The following WDR19 variants were observed in gnomAD, a reference collection of about 807,000 sequenced individuals.
WDR19 encodes the protein WD repeat-containing protein 19.
WDR19 carries 121 observed loss-of-function variants against 180.0 expected under a neutral mutation model. That is an observed-to-expected ratio of 0.67 (90% CI 0.58 to 0.78). The LOEUF (loss-of-function observed/expected upper bound fraction) is 0.78. WDR19 is among the 30% of genes least tolerant of loss of function. The probability of loss-of-function intolerance (pLI) is 0.00; values close to 1 mark genes in which losing one functional copy is unlikely to be tolerated. For missense variants in WDR19, 1,450 were observed against 1,640.7 expected (o/e 0.88, Z 2.01); for synonymous variants, 497 against 540.7 (o/e 0.92, Z 1.12).
At chr4:39,267,106 T>C (rs1176111595) in intron 29 of WDR19, among the ~76,000 whole-genome samples, 1 of 151,982 alleles carries the variant, frequency 6.6e-6, no homozygotes, top group South Asian at 2.1e-4. Context: ...AAGAAAGAAA[T>C]CATTACAAGC....
chr4:39,229,886 G>A (rs1264403347), intron 17 of WDR19, among the ~76,000 whole-genome samples: 2 of 152,032 alleles, frequency 1.3e-5, no homozygotes, highest in African/African-American at 4.8e-5. Context: ...TTCCCTCACT[G>A]TAATCACACA....
At chr4:39,284,510 T>C (rs976556306) in intron 36 of WDR19, among the ~76,000 whole-genome samples, 3 of 108,126 alleles carry the variant, frequency 2.8e-5, no homozygotes, top group African/African-American at 5.2e-5. Context: ...AGCTTTTTTT[T>C]TTCTTTTTTT....
At chr4:39,274,592 A>G (rs1735710843) in intron 32 of WDR19, 4 of 554,546 alleles carry the variant, frequency 7.2e-6, no homozygotes, top group Non-Finnish European at 9.6e-6. Flanking sequence ...AAGGCAGAAC[A>G]TGGTGTCATC....
At chr4:39,218,973 C>T (rs1013320114) in intron 14 of WDR19, 1 of 152,184 alleles carries the variant, frequency 6.6e-6, no homozygotes, top group Admixed American at 6.5e-5. Flanking sequence ...TGTCTCCCAC[C>T]TCCGCATCTT....
rs1307173176 is a variant in WDR19, at chr4:39,278,128, C to T, written c.3841-3C>T. The T allele has an allele frequency of 1.3e-6, 2 of 1,598,818 alleles. No individual in the cohort carries two copies. The highest frequency in any genetic ancestry group is 1.7e-6 in the Non-Finnish European group (2 of 1,172,266). On this transcript the variant is annotated splice_polypyrimidine_tract_variant and splice_region_variant and intron_variant, in intron 34 of 36. Coordinates refer to ENST00000399820, the MANE Select transcript of WDR19 (RefSeq NM_025132.4). Reference sequence around the variant, plus strand: ...ATTTAACTCTTAAACATCCTGTTTCCAGGGTCGACACATGTTGAAAGATGA... The same window carrying T: ...ATTTAACTCTTAAACATCCTGTTTCTAGGGTCGACACATGTTGAAAGATGA...
chr4:39,202,847 CT>C (rs2109293414), intron 6 of WDR19, among the ~76,000 whole-genome samples: 1 of 151,972 alleles, frequency 6.6e-6, no homozygotes, highest in South Asian at 2.1e-4. Context: ...TGCATTGTTT[CT>C]TTACGAGTTT....
At chr4:39,213,885 C>T (rs982821749) in intron 9 of WDR19, among the ~76,000 whole-genome samples, 10 of 152,060 alleles carry the variant, frequency 6.6e-5, no homozygotes, top group African/African-American at 2.4e-4. Flanking sequence ...TCTATATTGC[C>T]TCTTACAACT....
At chr4:39,191,367 C>T (rs1219661522) in intron 4 of WDR19, among the ~76,000 whole-genome samples, 1 of 152,102 alleles carries the variant, frequency 6.6e-6, no homozygotes, top group Non-Finnish European at 1.5e-5. Flanking sequence ...TAAATAAATG[C>T]TTTTAAGCAA....
intron 34 of WDR19, 141 bp from the exon 35 acceptor site, chr4:39,277,990 G>A (rs1000565809): frequency 4.4e-6 from 3 of 674,760 alleles, no homozygotes; most frequent in Admixed American, 2.7e-5. Context: ...GGAGGTGGAG[G>A]TTGCAGACAG....
chr4:39,274,857 C>T lies in WDR19; in HGVS notation c.3615C>T (p.Gly1205=), dbSNP rs202102903. The change falls in exon 33 of 37, where the codon GGC becomes GGT. Residue 1205 remains glycine, a synonymous_variant. Transcript: ENST00000399820. ...CTGTGATTGAGTGTCACAGGGCAGG[C>T]CTGAAGAACTCTGCTTTCAGCTTCG... ...TSTVIECHRA[G]LKNSAFSFAA... 308 of 1,614,002 alleles carry T rather than the reference C, an allele frequency of 1.9e-4. No homozygotes were observed. The highest frequency in any genetic ancestry group is 2.4e-4 in the Non-Finnish European group (287 of 1,179,902).
At chr4:39,281,215 G>GTGTGTGTGTGTGTATATATATA (rs1167602972) in intron 36 of WDR19, among the ~76,000 whole-genome samples, 1 of 110,120 alleles carries the variant, frequency 9.1e-6, no homozygotes, top group Admixed American at 8.1e-5. Flanking sequence ...ATGTGTGTGT[G>GTGTGTGTGTGTGTATATATATA]TATATATATA....
Position 39,186,624 on chromosome 4 carries a change from TA to T in WDR19, c.164+27del. ...ACCTGGGTAAGTACAGAAGTAGATT[TA>T]AAAAAACCTGTCAAGTTTTGTTGCC... On this transcript the variant is annotated intron_variant, in intron 3 of 36. Transcript: ENST00000399820. The T allele has an allele frequency of 3.3e-6, 5 of 1,502,524 alleles. No individual in the cohort carries two copies. Among genetic ancestry groups the T allele is most frequent in the Admixed American group, 2.4e-5 (1 of 42,342 alleles). 93.1% of individuals were successfully genotyped at this position (1,502,524 alleles called of 1,614,324 possible).
chr4:39,227,286 T>C (rs2109355525), intron 15 of WDR19, among the ~76,000 whole-genome samples: 1 of 152,322 alleles, frequency 6.6e-6, no homozygotes, highest in African/African-American at 2.4e-5. Context: ...ATGAGGCAGA[T>C]ATTTTTCAGT....
In WDR19 at chr4:39,220,664, C is replaced by T. The variant is rs916997127; in HGVS notation, c.1479+2559C>T. ...AGCTGGGATTACAGGTACCCGCCAC[C>T]ACACTCAGCTAATTTTTGTATTTTT... On this transcript the variant is annotated intron_variant, in intron 14 of 36. Transcript: ENST00000399820. 3.4e-5 allele frequency among the ~76,000 whole-genome samples: 5 copies of T among 147,870 alleles called. No individual in the cohort carries two copies. The East Asian group carries it at 9.9e-4, about 29-fold the overall frequency.
chr4:39,222,854 A>C (rs1317708169), intron 14 of WDR19, among the ~76,000 whole-genome samples: 1 of 152,234 alleles, frequency 6.6e-6, no homozygotes, highest in Non-Finnish European at 1.5e-5. Context: ...ACATTGGTAC[A>C]GTCAACATAC....
rs563430285 is a variant in WDR19 at position 39,226,070 on chromosome 4, C to A, written c.1629+1037C>A. 7.2e-5 allele frequency among the ~76,000 whole-genome samples: 11 copies of A among 152,280 alleles called. No individual in the cohort carries two copies. In the East Asian group the frequency reaches 2.1e-3, roughly 29 times the overall value. ...CCTTGTATAGGTTTCCTTTCTATAA[C>A]AGGGAACTAATTAGAGCTGCCTTGA... On this transcript the variant is annotated intron_variant, in intron 15 of 36. Coordinates refer to ENST00000399820, the MANE Select transcript of WDR19 (RefSeq NM_025132.4).
intron 14 of WDR19, among the ~76,000 whole-genome samples, chr4:39,220,593 GTCTC>G (rs1223305035): frequency 2.2e-5 from 2 of 91,580 alleles, no homozygotes; most frequent in East Asian, 3.8e-4. Flanking sequence ...TTGAGACAGA[GTCTC>G]TCTCTGTCGC....
rs368949539 is a variant in WDR19 at position 39,280,141 on chromosome 4, T to TTTTTTTTTTTTTTTTTTTTTTTTTTTTTA, written c.*13+1478_*13+1479insTTTTTTTTTTTTTTTTTTTTTTTTTTTTA. 1.8e-4 allele frequency among the ~76,000 whole-genome samples: 16 copies of TTTTTTTTTTTTTTTTTTTTTTTTTTTTTA among 88,354 alleles called. 5 individuals carry two copies. Among genetic ancestry groups the TTTTTTTTTTTTTTTTTTTTTTTTTTTTTA allele is most frequent in the South Asian group, 7.9e-4 (2 of 2,518 alleles). 58.0% of individuals were successfully genotyped at this position (88,354 alleles called of 152,430 possible). ...CTTGTTTTTTTTTTTTTTTTTTTTT[T>TTTTTTTTTTTTTTTTTTTTTTTTTTTTTA]AATAGAGGCAGGGTCTCGCCACATT... is the stretch of plus-strand genomic sequence containing the variant. On this transcript the variant is annotated intron_variant, in intron 36 of 36. Coordinates refer to ENST00000399820, the MANE Select transcript of WDR19 (RefSeq NM_025132.4).
intron 29 of WDR19, among the ~76,000 whole-genome samples, chr4:39,267,769 G>C (rs1458553309): frequency 2.6e-5 from 4 of 152,092 alleles, no homozygotes; most frequent in Admixed American, 1.3e-4. Flanking sequence ...GTGGGTATGA[G>C]GATTTAAATG....
Sources: allele counts gnomAD v4.1 joint callset (sites outside exome capture counted in the v4.1 genomes callset), GRCh38; gene constraint gnomAD v4.1.1; transcripts MANE v1.5; gene names NCBI Gene and HGNC (gene_info 2026-07-23, HGNC 2026-07-21).